CCNY: variants seen among roughly 807,000 people sequenced by gnomAD.
The protein encoded by CCNY is cyclin-Y.
Under a neutral mutation model 42.8 loss-of-function variants are expected in CCNY, and 19 were observed. The observed-to-expected ratio is 0.44, with a 90% confidence interval of 0.31 to 0.65. The LOEUF is 0.65. Among genes scored for constraint, CCNY ranks in the 30% least tolerant of loss-of-function variants. The probability of loss-of-function intolerance (pLI) is 0.07; values close to 1 mark genes in which losing one functional copy is unlikely to be tolerated. For synonymous variants in CCNY, 165 were observed against 162.7 expected (o/e 1.01, Z -0.11); for missense variants, 370 against 437.3 (o/e 0.85, Z 1.37).
intron 1 of CCNY, among the ~76,000 whole-genome samples, chr10:35,418,885 A>C (rs988602607): frequency 4.6e-5 from 7 of 151,590 alleles, no homozygotes; most frequent in Admixed American, 2.6e-4. Context: ...CAGTGGCGCT[A>C]TCTCTGCTCA....
chr10:35,316,106 T>C (rs1329381447), intron 3 of CCNY, among the ~76,000 whole-genome samples: 1 of 152,244 alleles, frequency 6.6e-6, no homozygotes, highest in African/African-American at 2.4e-5. Flanking sequence ...TGATTTTTAA[T>C]GATGCATTAG....
At chr10:35,383,218 A>G (rs1346623917) in intron 1 of CCNY, among the ~76,000 whole-genome samples, 1 of 152,252 alleles carries the variant, frequency 6.6e-6, no homozygotes, top group African/African-American at 2.4e-5. Flanking sequence ...AATGGATAAC[A>G]GTGCTTAGAA....
intron 1 of CCNY, among the ~76,000 whole-genome samples, chr10:35,423,272 C>T (rs948240962): frequency 1.3e-5 from 2 of 151,942 alleles, no homozygotes; most frequent in South Asian, 2.1e-4. Context: ...CCTAGGTGTT[C>T]GAGACCAGGC....
intron 3 of CCNY, among the ~76,000 whole-genome samples, chr10:35,286,641 C>A (rs1423613236): frequency 1.3e-5 from 2 of 151,002 alleles, no homozygotes; most frequent in African/African-American, 2.4e-5. Flanking sequence ...CAGGCGTGAG[C>A]CACCGTGCCC....
In CCNY at chr10:35,494,720, C is replaced by T. The variant is rs575889164; in HGVS notation, c.230-6781C>T. 9.8e-5 allele frequency among the ~76,000 whole-genome samples: 15 copies of T among 152,298 alleles called. No homozygotes were observed. In the South Asian group the frequency reaches 3.1e-3, roughly 32 times the overall value. ...TACAATCAGTCAAAATGCTAACACA[C>T]CAATAGAAAAATGGGCATATTTCTG... On this transcript the variant is annotated intron_variant, in intron 2 of 9. Transcript: ENST00000374704.
At chr10:35,459,255 C>CT (rs1839104654) in intron 1 of CCNY, among the ~76,000 whole-genome samples, 1 of 152,214 alleles carries the variant, frequency 6.6e-6, no homozygotes, top group Non-Finnish European at 1.5e-5. Flanking sequence ...GCGCTGCTGT[C>CT]TGAGAGGCCA....
At chr10:35,561,814 G>T (rs1022101197) in intron 8 of CCNY, among the ~76,000 whole-genome samples, 4 of 152,228 alleles carry the variant, frequency 2.6e-5, no homozygotes, top group African/African-American at 9.6e-5. Flanking sequence ...GCGTATCTGT[G>T]GGCGCAGGCT....
At chr10:35,368,279 T>C (rs532619353) in intron 1 of CCNY, among the ~76,000 whole-genome samples, 1 of 152,328 alleles carries the variant, frequency 6.6e-6, no homozygotes, top group Admixed American at 6.5e-5. Flanking sequence ...TCAGCTTTAG[T>C]ATTAATTTAT....
intron 1 of CCNY, among the ~76,000 whole-genome samples, chr10:35,358,018 A>G (rs771709183): frequency 1.3e-5 from 2 of 151,850 alleles, no homozygotes; most frequent in Admixed American, 6.6e-5. Context: ...CTATGTCCTT[A>G]TCATTCCTTC....
At chr10:35,303,777 CAAAAAAA>C (rs755443366) in intron 3 of CCNY, among the ~76,000 whole-genome samples, 2 of 48,524 alleles carry the variant, frequency 4.1e-5, no homozygotes, top group African/African-American at 6.4e-5. Flanking sequence ...AACTCCGTCT[CAAAAAAA>C]AAAAAAAAAA....
At chr10:35,358,313 A>AT (rs1435396886) in intron 1 of CCNY, among the ~76,000 whole-genome samples, 4 of 151,300 alleles carry the variant, frequency 2.6e-5, no homozygotes, top group African/African-American at 9.7e-5. Context: ...ACAGAATAGC[A>AT]TTGTGTGAGG....
chr10:35,325,328 G>A (rs774011370), intron 3 of CCNY, among the ~76,000 whole-genome samples: 71 of 152,166 alleles, frequency 4.7e-4, no homozygotes, highest in African/African-American at 1.5e-3. Context: ...ACAGGCGTGC[G>A]CCATCACACC....
chr10:35,367,390 C>T (rs994070722), intron 1 of CCNY, among the ~76,000 whole-genome samples: 2 of 152,056 alleles, frequency 1.3e-5, no homozygotes, highest in African/African-American at 2.4e-5. Flanking sequence ...AAAATGTCTA[C>T]CTTGTAGAAT....
chr10:35,563,242 C>T (rs1420941978), intron 8 of CCNY, among the ~76,000 whole-genome samples: 1 of 152,110 alleles, frequency 6.6e-6, no homozygotes, highest in Non-Finnish European at 1.5e-5. Context: ...GCTCTAAAAT[C>T]TATTTTCCCA....
chr10:35,308,787 T>C (rs6481952), intron 3 of CCNY, among the ~76,000 whole-genome samples: 53,952 of 151,828 alleles, frequency 0.36, 9,698 homozygotes, highest in Admixed American at 0.39. Flanking sequence ...TGTGACCTGG[T>C]GAGGGCTCAG....
intron 3 of CCNY, among the ~76,000 whole-genome samples, chr10:35,293,053 T>C (rs1463730374): frequency 1.3e-5 from 2 of 151,512 alleles, no homozygotes; most frequent in Non-Finnish European, 2.9e-5. Flanking sequence ...GTGCTGAGAT[T>C]ACAGGTGTGA....
chr10:35,492,912 TCCGGGTCAGAACTCAGCATGA>T (rs776107049), intron 2 of CCNY, among the ~76,000 whole-genome samples: 1 of 152,104 alleles, frequency 6.6e-6, no homozygotes, highest in Non-Finnish European at 1.5e-5. Flanking sequence ...GCTTTCCTAT[TCCGGGTCAGAACTCAGCATGA>T]CCGTGCCACC....
intron 3 of CCNY, among the ~76,000 whole-genome samples, chr10:35,305,758 G>A (rs1835598560): frequency 6.6e-6 from 1 of 152,158 alleles, no homozygotes; most frequent in African/African-American, 2.4e-5. Context: ...TGCTTGCTGA[G>A]TGCCCTTTGT....
intron 1 of CCNY, among the ~76,000 whole-genome samples, chr10:35,389,603 C>A (rs951158211): frequency 4.6e-5 from 7 of 152,120 alleles, no homozygotes; most frequent in Non-Finnish European, 8.8e-5. Context: ...CCATGCCCAG[C>A]TAATTTTTGT....
Sources: allele counts gnomAD v4.1 joint callset (sites outside exome capture counted in the v4.1 genomes callset), GRCh38; gene constraint gnomAD v4.1.1; transcripts MANE v1.5; gene names NCBI Gene and HGNC (gene_info 2026-07-23, HGNC 2026-07-21).